The following ACTN4 variants were observed in gnomAD, a reference collection of about 807,000 sequenced individuals.
ACTN4 encodes actinin alpha 4.
A neutral mutation model predicts 114.2 loss-of-function variants in ACTN4; 18 were observed. The observed-to-expected ratio is 0.16, with a 90% confidence interval of 0.11 to 0.23. The LOEUF is 0.23. ACTN4 is among the 10% of genes least tolerant of loss of function. ACTN4 has a pLI of 1.00. For synonymous variants in ACTN4, 515 were observed against 506.3 expected (o/e 1.02, Z -0.23); for missense variants, 722 against 1,262.9 (o/e 0.57, Z 6.49).
At chr19:38,674,392 G>C (rs1437100896) in intron 1 of ACTN4, among the ~76,000 whole-genome samples, 2 of 152,166 alleles carry the variant, frequency 1.3e-5, no homozygotes, top group African/African-American at 2.4e-5. Flanking sequence ...GCTGCAATGA[G>C]AGCTTTGATT....
Position 38,721,570 on chromosome 19 carries a change from G to A in ACTN4, c.1324G>A (p.Glu442Lys), listed in dbSNP as rs138868674. ...KEAMLKHRDY[E>K]TATLSDIKAL... ...AGCCATGCTGAAGCACCGGGACTAC[G>A]AGACGGCCACACTATCGGACATCAA... Residue 442 changes from glutamate (E) to lysine (K), a missense_variant, in exon 12 of 21, where the codon GAG becomes AAG. By Grantham distance (56) the Glu-to-Lys change is moderately conservative (BLOSUM62 1). Around this residue, in one of 3 missense-constraint regions of ACTN4, gnomAD observed 523 missense variants for 875.9 expected, o/e 0.60. Coordinates refer to ENST00000252699, the MANE Select transcript of ACTN4 (RefSeq NM_004924.6). The A allele has an allele frequency of 7.2e-5, 117 of 1,613,928 alleles. No homozygotes were observed. The African/African-American group carries it at 9.1e-4, about 13-fold the overall frequency.
chr19:38,690,256 T>G (rs1054109117), intron 1 of ACTN4, among the ~76,000 whole-genome samples: 6 of 152,232 alleles, frequency 3.9e-5, no homozygotes, highest in African/African-American at 1.4e-4. Flanking sequence ...GAGCTGAGCT[T>G]TCGCTCACCA....
chr19:38,700,802 C>G lies in ACTN4; in HGVS notation c.277+88C>G, dbSNP rs983874821. 33 of 1,409,126 alleles carry G rather than the reference C, an allele frequency of 2.3e-5. No individual in the cohort carries two copies. The African/African-American group carries it at 4.1e-4, about 18-fold the overall frequency. 87.3% of individuals were successfully genotyped at this position (1,409,126 alleles called of 1,614,324 possible). ...CCAGAGACCCTGCCCACCCAGCTGT[C>G]CCATTGCTCCTGGGGAGGAGAGGGC... On this transcript the variant is annotated intron_variant, in intron 2 of 20. Transcript: ENST00000252699.
chr19:38,673,674 T>TTA (rs549326584), intron 1 of ACTN4, among the ~76,000 whole-genome samples: 12 of 67,558 alleles, frequency 1.8e-4, no homozygotes, highest in African/African-American at 4.1e-4. Context: ...TTATATATAT[T>TTA]TATATATTTA....
At chr19:38,649,504 C>T (rs1001475444) in intron 1 of ACTN4, among the ~76,000 whole-genome samples, 18 of 152,104 alleles carry the variant, frequency 1.2e-4, no homozygotes, top group African/African-American at 4.3e-4. Flanking sequence ...GGACAAGACC[C>T]TTGAACTCTC....
intron 8 of ACTN4, among the ~76,000 whole-genome samples, chr19:38,711,962 C>T (rs1010916255): frequency 2.6e-5 from 4 of 152,216 alleles, no homozygotes; most frequent in Non-Finnish European, 5.9e-5. Flanking sequence ...ACGCAGAGGC[C>T]CAAGCACTGC....
At chr19:38,680,221 T>G (rs569070360) in intron 1 of ACTN4, among the ~76,000 whole-genome samples, 13 of 23,368 alleles carry the variant, frequency 5.6e-4, no homozygotes, top group African/African-American at 1.0e-3. Flanking sequence ...AGTTTTTTTT[T>G]TTTTTTTTTT....
At chr19:38,718,290 G>C (rs1409439805) in intron 11 of ACTN4, 11 of 834,978 alleles carry the variant, frequency 1.3e-5, no homozygotes, top group Non-Finnish European at 1.2e-5. Context: ...ACTTTGGCAG[G>C]CCAAGGCAGG....
chr19:38,707,255 A>C (rs147301485), intron 5 of ACTN4, among the ~76,000 whole-genome samples: 1 of 151,922 alleles, frequency 6.6e-6, no homozygotes, highest in Non-Finnish European at 1.5e-5. Context: ...TCAACTAGTA[A>C]GTATCTAGCA....
Position 38,705,010 on chromosome 19 carries a change from C to T in ACTN4, c.474C>T (p.Ile158=). 1 of 1,614,200 alleles carries T rather than the reference C, an allele frequency of 6.2e-7. No individual in the cohort carries two copies. Among genetic ancestry groups the T allele is most frequent in the East Asian group, 2.2e-5 (1 of 44,882 alleles). Residue 158 remains isoleucine (I), a synonymous_variant, in exon 4 of 21, where the codon ATC becomes ATT. Transcript: ENST00000252699. ...TIILRFAIQD[I]SVEETSAKEG... The stretch of plus-strand genomic sequence containing the variant: ...TCCTTAGGTTCGCCATCCAGGACAT[C>T]TCCGTGGAAGGTGACAGCCACCTGT...
chr19:38,710,598 G>T (rs1166461573), intron 8 of ACTN4, among the ~76,000 whole-genome samples: 1 of 152,196 alleles, frequency 6.6e-6, no homozygotes, highest in Non-Finnish European at 1.5e-5. Context: ...CTGTTCTCAG[G>T]GCACTTCCAT....
chr19:38,660,282 A>G (rs16972766), intron 1 of ACTN4, among the ~76,000 whole-genome samples: 1,743 of 152,310 alleles, frequency 0.011, 27 homozygotes, highest in African/African-American at 0.04. Flanking sequence ...GCATATAGAT[A>G]ATGAACAAGG....
intron 8 of ACTN4, among the ~76,000 whole-genome samples, chr19:38,712,815 C>T (rs929351634): frequency 7.9e-5 from 12 of 152,198 alleles, no homozygotes; most frequent in African/African-American, 2.9e-4. Context: ...TTTCTTTCTA[C>T]CCACACTGCT....
At chr19:38,695,669 C>T (rs1327063482) in intron 1 of ACTN4, among the ~76,000 whole-genome samples, 6 of 152,302 alleles carry the variant, frequency 3.9e-5, no homozygotes, top group East Asian at 1.9e-4. Flanking sequence ...CCTTCCTTCT[C>T]GGAGTGGGCT....
At chr19:38,681,579 C>A (rs1195545512) in intron 1 of ACTN4, among the ~76,000 whole-genome samples, 1 of 152,174 alleles carries the variant, frequency 6.6e-6, no homozygotes, top group African/African-American at 2.4e-5. Context: ...TCCAGGTCAC[C>A]ACTGATCGCA....
intron 1 of ACTN4, among the ~76,000 whole-genome samples, chr19:38,694,110 G>C (rs966785420): frequency 6.6e-6 from 1 of 152,168 alleles, no homozygotes; most frequent in South Asian, 2.1e-4. Context: ...CAAGGGCTGG[G>C]TGCAGGCTGC....
At chr19:38,705,980 A>C in intron 4 of ACTN4, 64 bp from the exon 5 acceptor site, 8 of 1,569,332 alleles carry the variant, frequency 5.1e-6, no homozygotes, top group South Asian at 4.4e-5. Context: ...GTCCCATCCA[A>C]CTTGGGCTGA....
chr19:38,728,415 TCC>T (rs1568751864), intron 19 of ACTN4: 2 of 710,860 alleles, frequency 2.8e-6, no homozygotes, highest in South Asian at 4.5e-5. Context: ...CACCCGCTCC[TCC>T]TCCTCCTCCT....
At position 38,724,713 on chromosome 19, in the gene ACTN4, G is replaced by T. The variant is rs536962728; in HGVS notation, c.2010+148G>T. 25 of 1,380,768 alleles carry T rather than the reference G, an allele frequency of 1.8e-5. No individual in the cohort carries two copies. In the East Asian group the frequency reaches 5.8e-4, roughly 32 times the overall value. The allele number at this position is 1,380,768 out of a possible 1,614,324, so 85.5% of individuals were successfully genotyped here. A position where few individuals can be genotyped will look rare whatever the true frequency, so the allele number is the denominator to read the frequency against. ...ACCACCCAGGGGCCGTGATCACCCT[G>T]CGGGGTTAGGAGAGTCCACAGAGCT... is the stretch of plus-strand genomic sequence containing the variant. On this transcript the variant is annotated intron_variant, in intron 16 of 20. Transcript: ENST00000252699. The surrounding 1 kb of genome is among the most constrained non-coding windows in gnomAD (Gnocchi z 7.0).
Sources: gnomAD v4.1 joint callset for allele counts (sites outside exome capture counted in the v4.1 genomes callset) on GRCh38, gnomAD v4.1.1 for gene constraint, gnomAD v4.1.1 regional missense constraint, Gnocchi (gnomAD v3.1) non-coding constraint, MANE v1.5 for transcripts, NCBI Gene and HGNC (gene_info 2026-07-23, HGNC 2026-07-21) for gene names.